The following SAP30BP variants were observed in gnomAD, a reference collection of about 807,000 sequenced individuals.
SAP30BP encodes SAP30 binding protein.
A neutral mutation model predicts 46.3 loss-of-function variants in SAP30BP; 31 were observed. The observed-to-expected ratio is 0.67, with a 90% CI of 0.50 to 0.90. The LOEUF (loss-of-function observed/expected upper bound fraction) is 0.90. Ranked by LOEUF, SAP30BP falls within the 40% of genes least tolerant of loss-of-function variation. The probability of loss-of-function intolerance (pLI) is 0.00; values close to 1 mark genes in which losing one functional copy is unlikely to be tolerated. For missense variants in SAP30BP, 312 were observed against 391.0 expected, an observed-to-expected ratio of 0.80 and a Z score of 1.70; for synonymous variants, 169 against 144.2, an observed-to-expected ratio of 1.17 and a Z score of -1.23.
intron 2 of SAP30BP, 88 bp downstream of exon 2, chr17:75,668,713 G>C (rs2059853316): frequency 1.2e-6 from 1 of 831,714 alleles, no homozygotes; most frequent in Non-Finnish European, 1.9e-6. Context: ...TCCATTTCAT[G>C]GTTAGCTCCA....
intron 3 of SAP30BP, among the ~76,000 whole-genome samples, chr17:75,680,267 A>G (rs1382256900): frequency 6.6e-6 from 1 of 152,208 alleles, no homozygotes; most frequent in African/African-American, 2.4e-5. Context: ...AGGTGGCATC[A>G]GGTGGGGGTT....
chr17:75,692,669 A>G (rs2060257688), intron 3 of SAP30BP: 1 of 229,822 alleles, frequency 4.4e-6, no homozygotes, highest in African/African-American at 2.3e-5. Flanking sequence ...GAAAACGTCT[A>G]AGAAGCCTTT....
chr17:75,667,361 T>C lies in SAP30BP; in HGVS notation c.-12T>C. On this transcript the variant is annotated 5_prime_UTR_variant, in exon 1 of 11. Transcript: ENST00000584667. Reference sequence around the variant, plus strand: ...TCATAGGAGTGAGCCACGCCCGGGCTGTGGGAATAAGATGGCGGGGAAGAA... The same window carrying C: ...TCATAGGAGTGAGCCACGCCCGGGCCGTGGGAATAAGATGGCGGGGAAGAA... The C allele has an allele frequency of 6.2e-7, 1 of 1,611,662 alleles. No homozygotes were observed. Among genetic ancestry groups the C allele is most frequent in the Non-Finnish European group, 8.5e-7 (1 of 1,177,732 alleles).
At chr17:75,687,683 A>G (rs562591186) in intron 3 of SAP30BP, among the ~76,000 whole-genome samples, 51 of 150,950 alleles carry the variant, frequency 3.4e-4, no homozygotes, top group Middle Eastern at 3.5e-3. Context: ...ATTTTTTTGT[A>G]ATTCAGCGTT....
intron 4 of SAP30BP, among the ~76,000 whole-genome samples, chr17:75,695,017 C>T (rs1435993667): frequency 6.6e-6 from 1 of 152,114 alleles, no homozygotes; most frequent in Non-Finnish European, 1.5e-5. Flanking sequence ...CAGAACGCAC[C>T]CATCACTCCG....
rs554378114 is a variant in SAP30BP at position 75,706,652 on chromosome 17, G to A, written c.*131G>A. ...TGCCACCTGAGAGGAGCTTCTGTTTGGCATTCCAGATGGAAGGACAGGCAG... is the reference window on the plus strand; with the variant it reads ...TGCCACCTGAGAGGAGCTTCTGTTTAGCATTCCAGATGGAAGGACAGGCAG... On this transcript the variant is annotated 3_prime_UTR_variant, in exon 11 of 11. Transcript: ENST00000584667. The surrounding 1 kb of genome is among the most constrained non-coding windows in gnomAD (Gnocchi z 4.6). 131 of 845,880 alleles carry A rather than the reference G, an allele frequency of 1.5e-4. No individual in the cohort carries two copies. Among genetic ancestry groups the A allele is most frequent in the South Asian group, 8.0e-4 (47 of 58,476 alleles). 52.4% of individuals were successfully genotyped at this position (845,880 alleles called of 1,614,324 possible).
chr17:75,705,956 C>T (rs560174511), intron 9 of SAP30BP, 52 bp from the exon 10 acceptor site: 17 of 1,605,824 alleles, frequency 1.1e-5, no homozygotes, highest in East Asian at 8.9e-5. Context: ...TGGCAAAAAG[C>T]TGTGGACACC....
chr17:75,703,261 A>C (rs760922633), intron 6 of SAP30BP, 50 bp from the exon 7 acceptor site: 5 of 1,561,714 alleles, frequency 3.2e-6, no homozygotes, highest in Non-Finnish European at 4.4e-6. Context: ...TTCAGGTCCC[A>C]TGCAGGGACG....
intron 3 of SAP30BP, chr17:75,692,527 G>GGTGT: frequency 1.0e-6 from 1 of 985,194 alleles, no homozygotes; most frequent in East Asian, 1.1e-4. Context: ...GGGGGAAACA[G>GGTGT]GTGTGTTCTT....
At chr17:75,703,190 G>T in intron 6 of SAP30BP, 121 bp from the exon 7 acceptor site, 1 of 886,312 alleles carries the variant, frequency 1.1e-6, no homozygotes, top group East Asian at 2.6e-5. Flanking sequence ...AGCTTGCTTA[G>T]AGCAGCTGAG....
chr17:75,692,208 G>A (rs2060251919), intron 3 of SAP30BP: 3 of 985,674 alleles, frequency 3.0e-6, no homozygotes, highest in Non-Finnish European at 3.6e-6. Context: ...CTGGAAAGGG[G>A]GCTAAGACTG....
At chr17:75,698,501 CAT>C (rs1045590950) in intron 4 of SAP30BP, among the ~76,000 whole-genome samples, 8 of 151,874 alleles carry the variant, frequency 5.3e-5, no homozygotes, top group African/African-American at 1.7e-4. Flanking sequence ...ATTTTAGAGA[CAT>C]ATGCAGTGGT....
At chr17:75,704,595 C>G (rs1473506703) in intron 8 of SAP30BP, 161 bp from the exon 9 acceptor site, 3 of 655,540 alleles carry the variant, frequency 4.6e-6, no homozygotes, top group African/African-American at 3.6e-5. Context: ...AGGCCCCTGC[C>G]CTATGCCGAC....
At chr17:75,689,243 A>G (rs1050660222) in intron 3 of SAP30BP, among the ~76,000 whole-genome samples, 7 of 150,274 alleles carry the variant, frequency 4.7e-5, no homozygotes, top group African/African-American at 1.7e-4. Flanking sequence ...CCACCTCTCA[A>G]GTAGCTGGGA....
At chr17:75,692,224 A>C (rs1281270642) in intron 3 of SAP30BP, 4 of 985,560 alleles carry the variant, frequency 4.1e-6, no homozygotes, top group African/African-American at 3.5e-5. Flanking sequence ...GACTGAGTCT[A>C]GGTTCAGTGT....
chr17:75,667,398 C>T lies in SAP30BP; in HGVS notation c.26C>T (p.Ser9Leu), dbSNP rs201680665. 1.2e-5 allele frequency: 20 copies of T among 1,614,176 alleles called. No individual in the cohort carries two copies. The highest frequency in any genetic ancestry group is 1.6e-4 in the Middle Eastern group (1 of 6,062). MAGKKNVL[S>L]SLAVYAEDSE... is the part of the protein sequence containing the mutation. ...ATGGCGGGGAAGAAGAATGTTCTGT[C>T]GTCTCTCGCAGTTTACGCGGAAGAT... The change falls in exon 1 of 11, where the codon TCG becomes TTG. Residue 9 changes from serine to leucine, a missense_variant. Ser to Leu is a moderately radical substitution (Grantham distance 145). Coordinates refer to ENST00000584667, the MANE Select transcript of SAP30BP (RefSeq NM_013260.8).
chr17:75,701,749 T>C (rs2060414656), intron 5 of SAP30BP, among the ~76,000 whole-genome samples: 1 of 152,208 alleles, frequency 6.6e-6, no homozygotes, highest in Non-Finnish European at 1.5e-5. Context: ...GCTGAGGACT[T>C]GATCTCATGT....
intron 3 of SAP30BP, among the ~76,000 whole-genome samples, chr17:75,687,070 T>C (rs2060167320): frequency 6.6e-6 from 1 of 152,294 alleles, no homozygotes; most frequent in Non-Finnish European, 1.5e-5. Context: ...CTGAAGCAGC[T>C]GTATTGCCTG....
chr17:75,690,937 A>G (rs1252002002), intron 3 of SAP30BP, among the ~76,000 whole-genome samples: 1 of 152,198 alleles, frequency 6.6e-6, no homozygotes, highest in East Asian at 1.9e-4. Context: ...GCACGCTTAT[A>G]TGGCTTCTGA....
Sources: allele counts gnomAD v4.1 joint callset (sites outside exome capture counted in the v4.1 genomes callset), GRCh38; gene constraint gnomAD v4.1.1; non-coding constraint Gnocchi (gnomAD v3.1); transcripts MANE v1.5; gene names NCBI Gene and HGNC (gene_info 2026-07-23, HGNC 2026-07-21).